The following DYM variants were observed in gnomAD, a reference collection of about 807,000 sequenced individuals.
DYM encodes dymeclin.
In DYM, 78 loss-of-function variants were observed where a neutral mutation model predicts 93.1. The ratio of observed to expected loss-of-function variants is 0.84; its 90% confidence interval spans 0.70 to 1.01. DYM has a LOEUF of 1.01. Ranked by LOEUF, DYM falls within the 50% of genes least tolerant of loss-of-function variation. The pLI is 0.00. For synonymous variants in DYM, 321 were observed against 319.7 expected (o/e 1.00, Z -0.04); for missense variants, 789 against 845.0 (o/e 0.93, Z 0.82).
At chr18:49,229,683 T>C (rs1210247764) in intron 13 of DYM, among the ~76,000 whole-genome samples, 1 of 152,142 alleles carries the variant, frequency 6.6e-6, no homozygotes, top group Non-Finnish European at 1.5e-5. Context: ...CAAAATGGTA[T>C]GGCCACTTTG....
At chr18:49,333,282 T>C (rs530145432) in intron 7 of DYM, among the ~76,000 whole-genome samples, 206 of 152,132 alleles carry the variant, frequency 1.4e-3, no homozygotes, top group Admixed American at 3.6e-3. Context: ...CAGCAAATAT[T>C]TGCAGGCTCA....
intron 10 of DYM, among the ~76,000 whole-genome samples, chr18:49,279,943 T>A (rs2145699241): frequency 6.6e-6 from 1 of 152,326 alleles, no homozygotes; most frequent in East Asian, 1.9e-4. Context: ...ATTTATGCAG[T>A]ATTTTATATT....
At chr18:49,211,767 A>C (rs1201561000) in intron 13 of DYM, among the ~76,000 whole-genome samples, 3 of 152,214 alleles carry the variant, frequency 2.0e-5, no homozygotes, top group African/African-American at 7.2e-5. Context: ...TATTAGACAA[A>C]ACAAAATTCC....
Position 49,333,784 on chromosome 18 carries a change from G to C in DYM, c.564C>G (p.Phe188Leu). ...TGCTCTGTCGCAAAACTTCTTTGTGGAAGAGTTGGCAGGAAAGGAAAACAA... is the reference window on the plus strand; with the variant it reads ...TGCTCTGTCGCAAAACTTCTTTGTGCAAGAGTTGGCAGGAAAGGAAAACAA... ...TMVVFLSCQL[F>L]HKEVLRQSIS... The change falls in exon 7 of 18, where the codon TTC becomes TTG. Residue 188 changes from phenylalanine to leucine, a missense_variant. This residue lies in a region of DYM where 450 missense variants were observed against 436.2 expected (regional missense o/e 1.03). Coordinates refer to ENST00000675505, the MANE Select transcript of DYM (RefSeq NM_001353214.3). The C allele has an allele frequency of 6.2e-7, 1 of 1,613,880 alleles. No individual in the cohort carries two copies. The highest frequency in any genetic ancestry group is 8.5e-7 in the Non-Finnish European group (1 of 1,179,830).
chr18:49,301,478 A>G (rs1003527670), intron 8 of DYM, among the ~76,000 whole-genome samples: 18 of 150,550 alleles, frequency 1.2e-4, no homozygotes, highest in African/African-American at 4.4e-4. Flanking sequence ...CTGAGATTGC[A>G]CCACTGCGCT....
In DYM at chr18:49,037,644, A is replaced by G. The variant is rs2070753622; in HGVS notation, c.*6411T>C. On this transcript the variant is annotated 3_prime_UTR_variant, in exon 18 of 18. Transcript: ENST00000675505. The stretch of plus-strand genomic sequence containing the variant: ...TCCCACAAGTTTTTTCTCTGTTTTG[A>G]TATGTAGTATTTTCATGATCAGTTC... Among the ~76,000 whole-genome samples the G allele has an allele frequency of 6.6e-6, 1 of 152,142 alleles. No individual in the cohort carries two copies. Among genetic ancestry groups the G allele is most frequent in the South Asian group, 2.1e-4 (1 of 4,830 alleles).
intron 17 of DYM, among the ~76,000 whole-genome samples, chr18:49,079,708 C>A (rs2077626064): frequency 6.6e-6 from 1 of 151,576 alleles, no homozygotes; most frequent in Admixed American, 6.6e-5. Flanking sequence ...TTTCAGAGAG[C>A]ACAGGGTTGG....
chr18:49,076,333 C>T (rs2077306020), intron 17 of DYM, among the ~76,000 whole-genome samples: 1 of 152,164 alleles, frequency 6.6e-6, no homozygotes, highest in African/African-American at 2.4e-5. Context: ...ATTCTCCATG[C>T]TGCAGATATT....
At chr18:49,168,671 G>A (rs570628716) in intron 14 of DYM, among the ~76,000 whole-genome samples, 3 of 152,046 alleles carry the variant, frequency 2.0e-5, no homozygotes, top group Non-Finnish European at 2.9e-5. Flanking sequence ...ATGGCTCCCC[G>A]CCCCCAAGGA....
intron 1 of DYM, among the ~76,000 whole-genome samples, chr18:49,451,610 C>T (rs1051613136): frequency 6.6e-6 from 1 of 152,214 alleles, no homozygotes; most frequent in Admixed American, 6.5e-5. Flanking sequence ...TCTGAGATTT[C>T]TTGTGGAACA....
chr18:49,204,216 T>C (rs2092348810), intron 14 of DYM, among the ~76,000 whole-genome samples: 2 of 152,254 alleles, frequency 1.3e-5, no homozygotes, highest in African/African-American at 4.8e-5. Flanking sequence ...AGTGTTAACA[T>C]GCTTTACTTT....
At chr18:49,410,356 A>ACTGGATTTTTCCACAGTACCCG (rs1568396299) in intron 2 of DYM, among the ~76,000 whole-genome samples, 1 of 151,772 alleles carries the variant, frequency 6.6e-6, no homozygotes, top group African/African-American at 2.4e-5. Context: ...CACAGTACCC[A>ACTGGATTTTTCCACAGTACCCG]GTCACTGGAT....
intron 15 of DYM, among the ~76,000 whole-genome samples, chr18:49,144,832 C>G (rs1264140231): frequency 1.3e-5 from 2 of 151,888 alleles, no homozygotes; most frequent in African/African-American, 4.8e-5. Flanking sequence ...CATCAGGGCT[C>G]ATTCCTGTAA....
intron 14 of DYM, among the ~76,000 whole-genome samples, chr18:49,193,150 G>C (rs868294459): frequency 4.2e-4 from 64 of 151,514 alleles, no homozygotes; most frequent in South Asian, 2.1e-3. Context: ...ACACCACTTT[G>C]CACCCCATAA....
intron 8 of DYM, among the ~76,000 whole-genome samples, chr18:49,296,781 T>C (rs1295635816): frequency 6.6e-6 from 1 of 152,220 alleles, no homozygotes; most frequent in East Asian, 1.9e-4. Flanking sequence ...GTCACAGTCA[T>C]TTGTTCTAAT....
intron 17 of DYM, among the ~76,000 whole-genome samples, chr18:49,091,904 C>T (rs887400603): frequency 1.4e-4 from 22 of 152,028 alleles, no homozygotes; most frequent in Admixed American, 4.6e-4. Context: ...TGAGCCACTG[C>T]GCCCAGCCTT....
intron 2 of DYM, among the ~76,000 whole-genome samples, chr18:49,408,002 G>A (rs975443302): frequency 6.6e-6 from 1 of 151,020 alleles, no homozygotes; most frequent in Non-Finnish European, 1.5e-5. Context: ...GGCTGAAGGG[G>A]GAGGACTGCC....
intron 14 of DYM, among the ~76,000 whole-genome samples, chr18:49,171,302 G>C (rs1224720474): frequency 6.6e-6 from 1 of 152,144 alleles, no homozygotes; most frequent in Non-Finnish European, 1.5e-5. Flanking sequence ...GAAAGTTTCA[G>C]ACATTTCCTA....
At chr18:49,096,785 C>G (rs2079586699) in intron 17 of DYM, among the ~76,000 whole-genome samples, 1 of 152,184 alleles carries the variant, frequency 6.6e-6, no homozygotes, top group South Asian at 2.1e-4. Context: ...CGAAGTGCAT[C>G]TCTTTCCACT....
Sources: gnomAD v4.1 joint callset for allele counts (sites outside exome capture counted in the v4.1 genomes callset) on GRCh38, gnomAD v4.1.1 for gene constraint, gnomAD v4.1.1 regional missense constraint, MANE v1.5 for transcripts, NCBI Gene and HGNC (gene_info 2026-07-23, HGNC 2026-07-21) for gene names.